The following TTC23L variants were observed in gnomAD, a reference collection of about 807,000 sequenced individuals.
TTC23L encodes tetratricopeptide repeat domain 23 like.
A neutral mutation model predicts 48.1 loss-of-function variants in TTC23L; 42 were observed. That is an observed-to-expected ratio of 0.87 (90% CI 0.68 to 1.13). The LOEUF (loss-of-function observed/expected upper bound fraction) is 1.13, where lower values mean the gene tolerates loss of function less well. Ranked by LOEUF, TTC23L falls within the 50% of genes most tolerant of loss-of-function variation. TTC23L has a pLI of 0.00. For synonymous variants in TTC23L, 159 were observed against 157.2 expected (o/e 1.01, Z -0.09); for missense variants, 391 against 421.0 (o/e 0.93, Z 0.62).
At chr5:34,876,362 C>G (rs1160352971) in intron 8 of TTC23L, among the ~76,000 whole-genome samples, 1 of 151,622 alleles carries the variant, frequency 6.6e-6, no homozygotes, top group Non-Finnish European at 1.5e-5. Flanking sequence ...TGATAAAGCT[C>G]TAGCCAGGCT....
At chr5:34,915,510 C>T in the TTC23L span, 1 of 474,784 alleles carries the variant, frequency 2.1e-6, no homozygotes, top group Non-Finnish European at 3.7e-6. Context: ...GAAGTGAAGC[C>T]AGTCCCGCCA....
At chr5:34,847,381 G>T (rs1278135332) in intron 3 of TTC23L, among the ~76,000 whole-genome samples, 1 of 152,012 alleles carries the variant, frequency 6.6e-6, no homozygotes, top group Non-Finnish European at 1.5e-5. Flanking sequence ...CAAAGATTTA[G>T]ATCTTAGGAG....
the TTC23L span, among the ~76,000 whole-genome samples, chr5:34,917,139 G>A: frequency 1.3e-5 from 2 of 151,478 alleles, no homozygotes; most frequent in African/African-American, 4.8e-5. Context: ...CACTCCAAGG[G>A]AGAAAAAAAA....
downstream of TTC23L, among the ~76,000 whole-genome samples, chr5:34,901,992 C>CGAAA (rs1181480566): frequency 1.3e-5 from 2 of 152,154 alleles, no homozygotes; most frequent in Non-Finnish European, 2.9e-5. Context: ...GTATATCTAG[C>CGAAA]GAAAGAATTT....
chr5:34,915,993 G>A, the TTC23L span: 1 of 1,382,992 alleles, frequency 7.2e-7, no homozygotes, highest in Non-Finnish European at 9.6e-7. Context: ...TAATTTCAGA[G>A]TAGCCCGGGT....
At chr5:34,845,721 T>G (rs1464537604) in intron 3 of TTC23L, 48 bp downstream of exon 3, 4 of 1,542,144 alleles carry the variant, frequency 2.6e-6, no homozygotes, top group Middle Eastern at 2.2e-4. Flanking sequence ...AAAAATATGT[T>G]CCTGTTTAGA....
chr5:34,915,513 T>A, the TTC23L span: 3 of 466,650 alleles, frequency 6.4e-6, no homozygotes, highest in Non-Finnish European at 7.4e-6. Flanking sequence ...GTGAAGCCAG[T>A]CCCGCCACTC....
At chr5:34,914,956 A>G in the TTC23L span, 2 of 1,567,922 alleles carry the variant, frequency 1.3e-6, no homozygotes, top group Non-Finnish European at 1.7e-6. Context: ...GCGGATCGCC[A>G]AACACCTGAA....
chr5:34,914,899 C>G, the TTC23L span: 4 of 1,614,050 alleles, frequency 2.5e-6, no homozygotes, highest in Non-Finnish European at 3.4e-6. Flanking sequence ...GCATCGTCCA[C>G]TGCGCATTCG....
the TTC23L span, chr5:34,915,922 C>T: frequency 6.6e-7 from 1 of 1,515,156 alleles, no homozygotes; most frequent in Non-Finnish European, 8.8e-7. Context: ...CCCCGGGCTA[C>T]ACCTGCGGCG....
intron 3 of TTC23L, among the ~76,000 whole-genome samples, chr5:34,847,479 T>C (rs1759304035): frequency 1.6e-5 from 1 of 63,928 alleles, no homozygotes; most frequent in Admixed American, 1.8e-4. Flanking sequence ...TCAATAACGC[T>C]GTTTTTTTTT....
the TTC23L span, chr5:34,907,535 ATATT>A: frequency 6.6e-6 from 1 of 152,214 alleles, no homozygotes; most frequent in Admixed American, 6.5e-5. Context: ...TTTATTAAAT[ATATT>A]TATATGCCAC....
intron 4 of TTC23L, 94 bp downstream of exon 4, chr5:34,850,402 C>A: frequency 6.9e-7 from 1 of 1,452,898 alleles, no homozygotes; most frequent in Non-Finnish European, 9.5e-7. Context: ...ACTAGGAGGG[C>A]CCCTTCTTGC....
At position 34,864,510 on chromosome 5, in the gene TTC23L, G is replaced by A. The variant is rs778120208; in HGVS notation, c.610G>A (p.Gly204Ser). 1.2e-5 allele frequency: 20 copies of A among 1,613,752 alleles called. No homozygotes were observed. The African/African-American group carries it at 2.3e-4, about 18-fold the overall frequency. The change falls in exon 6 of 11, where the codon GGT becomes AGT. Residue 204 changes from glycine (G) to serine (S), a missense_variant. Coordinates refer to ENST00000505624, the Ensembl canonical transcript of TTC23L. Reference sequence around the variant, plus strand: ...GGAGCTGAAAGAATTATATAAAGGAGGTGTTTGTGAATTACAAGTCTCTGA... The same window carrying A: ...GGAGCTGAAAGAATTATATAAAGGAAGTGTTTGTGAATTACAAGTCTCTGA...
At chr5:34,845,791 T>C (rs1759069580) in intron 3 of TTC23L, 118 bp downstream of exon 3, 2 of 1,089,380 alleles carry the variant, frequency 1.8e-6, no homozygotes, top group Non-Finnish European at 1.3e-6. Flanking sequence ...TCATATTTCT[T>C]TGTAAGTAGC....
At chr5:34,850,200 AAGG>A in exon 4 of TTC23L, 1 of 1,613,838 alleles carries the variant, frequency 6.2e-7, no homozygotes. Flanking sequence ...TCAAGCAAAC[AAGG>A]AGCTGATTCG....
At chr5:34,920,574 G>A in the TTC23L span, 2 of 152,090 alleles carry the variant, frequency 1.3e-5, no homozygotes, top group African/African-American at 4.8e-5. Flanking sequence ...TTCTAATGGA[G>A]ACAGGCCATA....
intron 4 of TTC23L, chr5:34,861,359 T>G (rs1018013344): frequency 6.0e-6 from 1 of 166,436 alleles, no homozygotes; most frequent in Admixed American, 5.8e-5. Context: ...TCATCCTATT[T>G]GGGGGGCATG....
At chr5:34,898,407 A>G (rs1345486557) in intron 10 of TTC23L, among the ~76,000 whole-genome samples, 1 of 152,186 alleles carries the variant, frequency 6.6e-6, no homozygotes, top group East Asian at 1.9e-4. Flanking sequence ...AAGATAATAT[A>G]TACACTATGG....
Sources: gnomAD v4.1 joint callset for allele counts (sites outside exome capture counted in the v4.1 genomes callset) on GRCh38, gnomAD v4.1.1 for gene constraint, MANE v1.5 for transcripts, NCBI Gene and HGNC (gene_info 2026-07-23, HGNC 2026-07-21) for gene names.